Variants in MARCHF1 observed in about 807,000 individuals in gnomAD.
MARCHF1 encodes E3 ubiquitin-protein ligase MARCHF1.
MARCHF1 carries 40 observed loss-of-function variants against 54.2 expected under a neutral mutation model. That is an observed-to-expected ratio of 0.74 (90% CI 0.57 to 0.96). The LOEUF is 0.96. Ranked by LOEUF, MARCHF1 falls within the 40% of genes least tolerant of loss-of-function variation. The pLI is 0.00. For synonymous variants in MARCHF1, 236 were observed against 236.3 expected (o/e 1.00, Z 0.01); for missense variants, 586 against 656.5 (o/e 0.89, Z 1.17).
At chr4:163,949,258 T>A (rs1296822760) in intron 3 of MARCHF1, among the ~76,000 whole-genome samples, 1 of 152,178 alleles carries the variant, frequency 6.6e-6, no homozygotes, top group Non-Finnish European at 1.5e-5. Context: ...AGGTGCCAGC[T>A]CCCTGTGAGG....
chr4:163,618,078 T>C (rs1037617841), intron 5 of MARCHF1, among the ~76,000 whole-genome samples: 2 of 152,148 alleles, frequency 1.3e-5, no homozygotes, highest in Non-Finnish European at 2.9e-5. Flanking sequence ...CTACAGCCCT[T>C]AAGTATTTTG....
At chr4:163,585,055 G>C (rs1014693445) in intron 8 of MARCHF1, 18 of 152,284 alleles carry the variant, frequency 1.2e-4, no homozygotes, top group Non-Finnish European at 2.1e-4. Flanking sequence ...CGGTGGCTTT[G>C]AGTGAGACAC....
chr4:163,706,145 T>G (rs1402874787), intron 4 of MARCHF1, among the ~76,000 whole-genome samples: 1 of 152,112 alleles, frequency 6.6e-6, no homozygotes, highest in Non-Finnish European at 1.5e-5. Context: ...TCCAGTGAGA[T>G]GTGACCAGAA....
chr4:163,714,678 T>C (rs1745206100), intron 4 of MARCHF1, among the ~76,000 whole-genome samples: 1 of 152,128 alleles, frequency 6.6e-6, no homozygotes, highest in South Asian at 2.1e-4. Context: ...TATTTTTCTT[T>C]TTATTCTTTT....
At chr4:164,292,745 A>G (rs984067332) in intron 1 of MARCHF1, among the ~76,000 whole-genome samples, 4 of 152,212 alleles carry the variant, frequency 2.6e-5, no homozygotes, top group Non-Finnish European at 5.9e-5. Flanking sequence ...CAATCAATGA[A>G]AAACAGTAGC....
intron 7 of MARCHF1, among the ~76,000 whole-genome samples, chr4:163,593,200 T>A (rs1363436674): frequency 2.0e-5 from 3 of 152,202 alleles, no homozygotes; most frequent in African/African-American, 7.2e-5. Context: ...CCGAAGGTTA[T>A]GATTTTCTCT....
chr4:163,868,769 A>T (rs1348447695), intron 3 of MARCHF1, among the ~76,000 whole-genome samples: 2 of 125,790 alleles, frequency 1.6e-5, no homozygotes, highest in Non-Finnish European at 3.6e-5. Flanking sequence ...TGGTGATTTA[A>T]AAAAAAATGT....
rs1240716813 is a variant in MARCHF1, at chr4:164,347,536, A to G, written c.-323+36334T>C. 2.0e-5 allele frequency among the ~76,000 whole-genome samples: 3 copies of G among 152,118 alleles called. No homozygotes were observed. The East Asian group carries it at 5.8e-4, about 29-fold the overall frequency. On this transcript the variant is annotated intron_variant, in intron 1 of 9. Transcript: ENST00000514618. ...TATTTTTATTTTCTTTTAATTTATC[A>G]TATTGCTAAAAGGCAACTTGTTCCG...
intron 3 of MARCHF1, among the ~76,000 whole-genome samples, chr4:163,857,015 AAAATAAATAAATAAATAAAT>A (rs34410156): frequency 3.0e-5 from 4 of 131,498 alleles, no homozygotes; most frequent in African/African-American, 1.2e-4. Context: ...TTTGTCTCGA[AAAATAAATAAATAAATAAAT>A]AAATAAATAA....
At chr4:163,764,316 A>G (rs541345301) in intron 4 of MARCHF1, among the ~76,000 whole-genome samples, 3 of 152,060 alleles carry the variant, frequency 2.0e-5, no homozygotes, top group African/African-American at 4.8e-5. Flanking sequence ...TAATAAGATA[A>G]ATAATATGAA....
Position 163,527,088 on chromosome 4 carries a change from T to TTCATGTTAATAAATA in MARCHF1, c.*1645_*1659dup, listed in dbSNP as rs1738136431. The TTCATGTTAATAAATA allele has an allele frequency of 6.6e-6, 1 of 152,022 alleles. No individual in the cohort carries two copies. The highest frequency in any genetic ancestry group is 1.5e-5 in the Non-Finnish European group (1 of 67,944). 9.4% of individuals were successfully genotyped at this position (152,022 alleles called of 1,614,324 possible). ...TGGTTCTTATGGCCATCATTGCCTT[T>TTCATGTTAATAAATA]TCATGTTAATAAATAATGACAGCTA... On this transcript the variant is annotated 3_prime_UTR_variant, in exon 10 of 10. Coordinates refer to ENST00000514618, the MANE Select transcript of MARCHF1 (RefSeq NM_001394959.1).
chr4:163,898,046 G>GT, intron 3 of MARCHF1, among the ~76,000 whole-genome samples: 1 of 109,244 alleles, frequency 9.2e-6, no homozygotes, highest in African/African-American at 3.4e-5. Context: ...GGGTGACAGA[G>GT]TGAGACTCCG....
At chr4:163,957,699 G>C (rs542812203) in intron 3 of MARCHF1, among the ~76,000 whole-genome samples, 3 of 151,730 alleles carry the variant, frequency 2.0e-5, no homozygotes, top group African/African-American at 7.3e-5. Flanking sequence ...AATTTCTCAC[G>C]CCAAAAAAAT....
intron 8 of MARCHF1, among the ~76,000 whole-genome samples, chr4:163,570,142 CA>C (rs1404103302): frequency 6.6e-6 from 1 of 152,036 alleles, no homozygotes; most frequent in Non-Finnish European, 1.5e-5. Context: ...GACTGATATG[CA>C]AATTAATCAA....
At chr4:163,707,187 T>A (rs1366934338) in intron 4 of MARCHF1, among the ~76,000 whole-genome samples, 1 of 152,058 alleles carries the variant, frequency 6.6e-6, no homozygotes, top group East Asian at 1.9e-4. Context: ...AAGATTTACA[T>A]AGCTAAGACA....
At chr4:163,929,893 TA>T (rs1311208187) in intron 3 of MARCHF1, among the ~76,000 whole-genome samples, 1 of 140,468 alleles carries the variant, frequency 7.1e-6, no homozygotes, top group Non-Finnish European at 1.5e-5. Context: ...GAGGGCACTA[TA>T]AAAAACATAT....
At chr4:164,094,817 A>G (rs181126962) in intron 2 of MARCHF1, among the ~76,000 whole-genome samples, 1 of 152,208 alleles carries the variant, frequency 6.6e-6, no homozygotes, top group African/African-American at 2.4e-5. Context: ...TTCAGTTCAA[A>G]GAAAAGAACA....
At chr4:164,200,775 A>G (rs13118183) in intron 1 of MARCHF1, among the ~76,000 whole-genome samples, 8,752 of 152,296 alleles carry the variant, frequency 0.057, 299 homozygotes, top group Middle Eastern at 0.15. Context: ...TCAGAAAGCA[A>G]TAAGTGCTAG....
At chr4:164,099,027 T>G (rs1755476740) in intron 2 of MARCHF1, among the ~76,000 whole-genome samples, 1 of 152,212 alleles carries the variant, frequency 6.6e-6, no homozygotes, top group Non-Finnish European at 1.5e-5. Flanking sequence ...TGAATTTGTG[T>G]GGAAAATCAT....
Sources: gnomAD v4.1 joint callset for allele counts (sites outside exome capture counted in the v4.1 genomes callset) on GRCh38, gnomAD v4.1.1 for gene constraint, MANE v1.5 for transcripts, NCBI Gene and HGNC (gene_info 2026-07-23, HGNC 2026-07-21) for gene names.